The following RUFY3 variants were observed in gnomAD, a reference collection of about 807,000 sequenced individuals.
The protein encoded by RUFY3 is RUN and FYVE domain containing 3.
In RUFY3, 34 loss-of-function variants were observed where a neutral mutation model predicts 84.0. The ratio of observed to expected loss-of-function variants is 0.40; its 90% CI spans 0.31 to 0.54. RUFY3 has a LOEUF of 0.54. Ranked by LOEUF, RUFY3 falls within the 20% of genes least tolerant of loss-of-function variation. The pLI is 0.39. For synonymous variants in RUFY3, 242 were observed against 252.9 expected, an observed-to-expected ratio of 0.96 and a Z score of 0.41; for missense variants, 507 against 736.8, an observed-to-expected ratio of 0.69 and a Z score of 3.61.
chr4:70,727,994 T>C (rs888891982), intron 1 of RUFY3, among the ~76,000 whole-genome samples: 26 of 152,244 alleles, frequency 1.7e-4, no homozygotes, highest in Admixed American at 7.8e-4. Flanking sequence ...AATAAAAATT[T>C]TTACACTTTA....
At chr4:70,720,888 CGTGTGTGTGTGTGTGTGT>C (rs71210198), upstream of RUFY3, among the ~76,000 whole-genome samples, 67 of 138,560 alleles carry the variant, frequency 4.8e-4, no homozygotes, top group Middle Eastern at 3.8e-3. Context: ...AATATAGGGC[CGTGTGTGTGTGTGTGTGT>C]GTGTGTGTGT....
chr4:70,716,845 C>CAAAAAAAAAAAAAAAAAAA (rs531822773), intron 1 of RUFY3, among the ~76,000 whole-genome samples: 1 of 72,498 alleles, frequency 1.4e-5, no homozygotes, highest in African/African-American at 3.6e-5. Context: ...AACTCTGTCT[C>CAAAAAAAAAAAAAAAAAAA]AAAAAAAAAA....
At position 70,712,344 on chromosome 4, in the gene RUFY3, A is replaced by G. The variant is rs117548617; in HGVS notation, c.358+7050A>G. Among the ~76,000 whole-genome samples the G allele has an allele frequency of 3.3e-4, 50 of 152,340 alleles. No individual in the cohort carries two copies. In the East Asian group the frequency reaches 9.6e-3, roughly 29 times the overall value. On this transcript the variant is annotated intron_variant, in intron 1 of 11. Coordinates refer to the RUFY3 transcript ENST00000417478. ...CCAGGGAATGAATTCATATTCCTCA[A>G]TAGTCAGCCTTCAAAGCGCATGTTC...
intron 8 of RUFY3, among the ~76,000 whole-genome samples, chr4:70,782,265 A>G (rs530882032): frequency 2.0e-5 from 3 of 151,902 alleles, no homozygotes; most frequent in Non-Finnish European, 1.5e-5. Context: ...TTCATATAAA[A>G]GTAGCAGTAA....
chr4:70,765,575 G>A (rs1040671364), intron 4 of RUFY3, among the ~76,000 whole-genome samples: 2 of 152,138 alleles, frequency 1.3e-5, no homozygotes, highest in Non-Finnish European at 2.9e-5. Flanking sequence ...CTTCTGAACA[G>A]TTCATAAGGT....
At chr4:70,727,273 C>G (rs772891244) in intron 1 of RUFY3, among the ~76,000 whole-genome samples, 1 of 149,818 alleles carries the variant, frequency 6.7e-6, no homozygotes, top group Non-Finnish European at 1.5e-5. Flanking sequence ...TTTTAAGTCA[C>G]ATGCTCATAT....
In RUFY3 at chr4:70,802,934, A is replaced by T; in HGVS notation, c.1623-22A>T. The T allele has an allele frequency of 6.3e-6, 10 of 1,579,688 alleles. 1 individual carries two copies. The highest frequency in any genetic ancestry group is 8.6e-6 in the Non-Finnish European group (10 of 1,160,122). Reference sequence around the variant, plus strand: ...ATACATGAAGTTCCTATTTGTCACAATTTTTTACTTCTCCATTGTAGGCTG... The same window carrying T: ...ATACATGAAGTTCCTATTTGTCACATTTTTTTACTTCTCCATTGTAGGCTG... On this transcript the variant is annotated intron_variant, in intron 15 of 17. Transcript: ENST00000381006.
At chr4:70,767,086 CT>C (rs142352419) in intron 4 of RUFY3, among the ~76,000 whole-genome samples, 5 of 150,094 alleles carry the variant, frequency 3.3e-5, no homozygotes, top group Non-Finnish European at 5.9e-5. Context: ...TGATAGCTCC[CT>C]TTTTTTTTGT....
intron 8 of RUFY3, 130 bp downstream of exon 8, chr4:70,778,568 TTATTC>T: frequency 2.4e-6 from 1 of 421,156 alleles, no homozygotes. Flanking sequence ...ACATAACTTC[TTATTC>T]TTTTTTTTTT....
intron 12 of RUFY3, chr4:70,792,453 C>T: frequency 1.0e-6 from 1 of 985,032 alleles, no homozygotes; most frequent in Non-Finnish European, 1.2e-6. Flanking sequence ...TCTAAGTGAC[C>T]ACAGACTAAC....
At chr4:70,739,177 T>C (rs77448283) in intron 1 of RUFY3, among the ~76,000 whole-genome samples, 1,660 of 152,224 alleles carry the variant, frequency 0.011, 26 homozygotes, top group African/African-American at 0.038. Context: ...TTATGAAAAT[T>C]AATATATGAC....
chr4:70,719,805 A>C (rs1742055401), upstream of RUFY3, among the ~76,000 whole-genome samples: 1 of 152,168 alleles, frequency 6.6e-6, no homozygotes, highest in African/African-American at 2.4e-5. Context: ...GGATATGAAA[A>C]TTCTGTTTCC....
intron 8 of RUFY3, among the ~76,000 whole-genome samples, chr4:70,780,058 C>G (rs531360206): frequency 5.3e-5 from 8 of 152,060 alleles, no homozygotes; most frequent in Non-Finnish European, 7.4e-5. Flanking sequence ...CCTTCACTTT[C>G]GGACAAAAAT....
At chr4:70,729,968 C>T (rs1450458563) in intron 1 of RUFY3, among the ~76,000 whole-genome samples, 1 of 135,646 alleles carries the variant, frequency 7.4e-6, no homozygotes, top group Non-Finnish European at 1.5e-5. Context: ...GAGTCTCGCT[C>T]TTGTCACCCA....
chr4:70,706,014 G>A (rs1577866631), intron 1 of RUFY3, among the ~76,000 whole-genome samples: 1 of 152,144 alleles, frequency 6.6e-6, no homozygotes, highest in South Asian at 2.1e-4. Context: ...ACTGGCACAC[G>A]CGAGCGCTCT....
intron 14 of RUFY3, among the ~76,000 whole-genome samples, chr4:70,796,946 CT>C (rs1203826586): frequency 1.4e-3 from 195 of 135,082 alleles, no homozygotes; most frequent in Admixed American, 1.8e-3. Context: ...CTTTTCTTTT[CT>C]TTTTTTTTTT....
intron 4 of RUFY3, among the ~76,000 whole-genome samples, chr4:70,765,996 C>T (rs1287533136): frequency 6.6e-6 from 1 of 151,900 alleles, no homozygotes; most frequent in Non-Finnish European, 1.5e-5. Flanking sequence ...CTCTTGATCT[C>T]GTGATCCACC....
chr4:70,721,548 GT>G (rs1343088655), upstream of RUFY3, among the ~76,000 whole-genome samples: 2 of 150,980 alleles, frequency 1.3e-5, no homozygotes, highest in African/African-American at 4.9e-5. Flanking sequence ...TTATCTTTTT[GT>G]TTTTTTTCCC....
At chr4:70,713,388 A>G (rs1162186449) in intron 1 of RUFY3, among the ~76,000 whole-genome samples, 1 of 152,210 alleles carries the variant, frequency 6.6e-6, no homozygotes, top group African/African-American at 2.4e-5. Context: ...CAATATGGCC[A>G]TGCCCCCTAC....
Sources: allele counts gnomAD v4.1 joint callset (sites outside exome capture counted in the v4.1 genomes callset), GRCh38; gene constraint gnomAD v4.1.1; transcripts MANE v1.5; gene names NCBI Gene and HGNC (gene_info 2026-07-23, HGNC 2026-07-21).